Variants in SERAC1 observed in about 807,000 individuals in gnomAD.
SERAC1 encodes the protein protein SERAC1.
SERAC1 carries 36 observed loss-of-function variants against 85.7 expected under a neutral mutation model. The observed-to-expected ratio is 0.42, with a 90% CI of 0.32 to 0.55. The LOEUF is 0.55. Ranked by LOEUF, SERAC1 falls within the 20% of genes least tolerant of loss-of-function variation. SERAC1 has a pLI of 0.11. For synonymous variants in SERAC1, 242 were observed against 265.3 expected (o/e 0.91, Z 0.85); for missense variants, 629 against 796.2 (o/e 0.79, Z 2.53).
At chr6:158,144,646 G>A (rs1005106855) in intron 6 of SERAC1, among the ~76,000 whole-genome samples, 1 of 152,164 alleles carries the variant, frequency 6.6e-6, no homozygotes, top group Non-Finnish European at 1.5e-5. Context: ...CCGGGTCACA[G>A]CCTAACTTTT....
Position 158,165,488 on chromosome 6 carries a change from A to C in SERAC1, c.-2+2652T>G, listed in dbSNP as rs546970210. Among the ~76,000 whole-genome samples the C allele has an allele frequency of 2.6e-5, 4 of 152,236 alleles. No homozygotes were observed. The South Asian group carries it at 8.3e-4, about 32-fold the overall frequency. ...AATATCTATATGCCAGTGATCTCAG[A>C]GTACCTCTAGCTACGATCTTTCCTG... On this transcript the variant is annotated intron_variant, in intron 1 of 16. Transcript: ENST00000647468.
chr6:158,130,846 A>G lies in SERAC1; in HGVS notation c.739-360T>C, dbSNP rs190059223. 2.9e-4 allele frequency among the ~76,000 whole-genome samples: 44 copies of G among 152,312 alleles called. No individual in the cohort carries two copies. The South Asian group carries it at 5.0e-3, about 17-fold the overall frequency. On this transcript the variant is annotated intron_variant, in intron 8 of 16. Coordinates refer to ENST00000647468, the MANE Select transcript of SERAC1 (RefSeq NM_032861.4). ...GTCACTACAGTATATTATTTTCCAG[A>G]TTCTGCTAATAGCCTACTTAAAGTC...
chr6:158,118,442 T>C lies in SERAC1; in HGVS notation c.1308+587A>G, dbSNP rs748394599. On this transcript the variant is annotated intron_variant, in intron 12 of 16. Coordinates refer to ENST00000647468, the MANE Select transcript of SERAC1 (RefSeq NM_032861.4). ...CAGAATTAAGGTTCTTTGGGAGAAATAGTATCAAAGAAATGTAAAGTATTA... is the reference window on the plus strand; with the variant it reads ...CAGAATTAAGGTTCTTTGGGAGAAACAGTATCAAAGAAATGTAAAGTATTA... Among the ~76,000 whole-genome samples the C allele has an allele frequency of 2.4e-4, 36 of 151,946 alleles. 1 individual carries two copies. Among genetic ancestry groups the C allele is most frequent in the Admixed American group, 2.0e-4 (3 of 15,262 alleles).
At position 158,143,149 on chromosome 6, in the gene SERAC1, C is replaced by T; in HGVS notation, c.645G>A (p.Leu215=). 1.2e-6 allele frequency: 2 copies of T among 1,613,596 alleles called. No homozygotes were observed. Among genetic ancestry groups the T allele is most frequent in the Non-Finnish European group, 1.7e-6 (2 of 1,179,756 alleles). The change falls in exon 8 of 17, where the codon CTG becomes CTA. Residue 215 remains leucine, a synonymous_variant. Transcript: ENST00000647468. Reference sequence around the variant, plus strand: ...CTAGCTCTGTTTGAGGTAAGGAAGCCAGCAACTGTCTGAGCTCTTCTTCAG... The same window carrying T: ...CTAGCTCTGTTTGAGGTAAGGAAGCTAGCAACTGTCTGAGCTCTTCTTCAG... ...SSTEEELRQL[L]ASLPQTELDE...
Position 158,152,217 on chromosome 6 carries a change from A to C in SERAC1, c.129-1628T>G, listed in dbSNP as rs142945959. On this transcript the variant is annotated intron_variant, in intron 3 of 16. Transcript: ENST00000647468. ...AAAACACAGTGAGACTCTGCCTTTA[A>C]AGAAAACACAAAGTTCAGCCAGGCA... Among the ~76,000 whole-genome samples, 7 of 152,282 alleles carry C rather than the reference A, an allele frequency of 4.6e-5. No individual in the cohort carries two copies. The East Asian group carries it at 1.4e-3, about 29-fold the overall frequency.
Position 158,113,508 on chromosome 6 carries a change from G to A in SERAC1, c.1769C>T (p.Thr590Ile). ...KNFQVLNFVE[T>I]LPTYIGSMIK... The stretch of plus-strand genomic sequence containing the variant: ...CATGCTGCCAATGTAGGTTGGTAGT[G>A]TTTCCACAAAATTCAGCACCTGGAA... Residue 590 changes from threonine (T) to isoleucine (I), a missense_variant, in exon 16 of 17, where the codon ACA becomes ATA. Physicochemically the swap from Thr to Ile is moderately conservative, Grantham distance 89 (BLOSUM62 -1). Coordinates refer to ENST00000647468, the MANE Select transcript of SERAC1 (RefSeq NM_032861.4). 1 of 1,614,016 alleles carries A rather than the reference G, an allele frequency of 6.2e-7. No homozygotes were observed. Among genetic ancestry groups the A allele is most frequent in the South Asian group, 1.1e-5 (1 of 91,088 alleles).
intron 10 of SERAC1, among the ~76,000 whole-genome samples, chr6:158,125,950 C>T (rs998273332): frequency 4.6e-5 from 7 of 151,848 alleles, no homozygotes; most frequent in East Asian, 1.9e-4. Context: ...TCAAGTAATA[C>T]AAGAAGTCAG....
At chr6:158,133,655 G>T (rs1241226405) in intron 8 of SERAC1, among the ~76,000 whole-genome samples, 1 of 152,066 alleles carries the variant, frequency 6.6e-6, no homozygotes, top group Admixed American at 6.5e-5. Flanking sequence ...AAAGTGCTGG[G>T]ATTACAGGCG....
In SERAC1 at chr6:158,148,914, T is replaced by A; in HGVS notation, c.306A>T (p.Val102=). The A allele has an allele frequency of 1.2e-6, 2 of 1,613,046 alleles. No individual in the cohort carries two copies. The highest frequency in any genetic ancestry group is 1.7e-6 in the Non-Finnish European group (2 of 1,179,564). The change falls in exon 5 of 17, where the codon GTA becomes GTT. Residue 102 remains valine, a synonymous_variant. Transcript: ENST00000647468. The part of the protein sequence containing the change: ...WQARKELHKA[V]RKVLATSAKI... ...TGGCTGATGTTGCCAATACTTTTCTTACTGCTTTGTGAAGTTCTTTTCTTG... is the reference window on the plus strand; with the variant it reads ...TGGCTGATGTTGCCAATACTTTTCTAACTGCTTTGTGAAGTTCTTTTCTTG...
intron 9 of SERAC1, 63 bp from the exon 10 acceptor site, chr6:158,128,333 C>T (rs1431936430): frequency 1.3e-6 from 2 of 1,535,634 alleles, no homozygotes; most frequent in East Asian, 2.3e-5. Flanking sequence ...TGAGATGACA[C>T]AGCCTGGTCA....
chr6:158,158,440 G>T, intron 1 of SERAC1, 76 bp from the exon 2 acceptor site: 1 of 1,119,822 alleles, frequency 8.9e-7, no homozygotes, highest in Non-Finnish European at 1.3e-6. Context: ...ACAAGAACAT[G>T]TTACCATCAC....
chr6:158,113,501 T>C lies in SERAC1; in HGVS notation c.1776A>G (p.Pro592=). ...FQVLNFVETL[P]TYIGSMIKLH... ...GCTTAATCATGCTGCCAATGTAGGT[T>C]GGTAGTGTTTCCACAAAATTCAGCA... Residue 592 remains proline, a synonymous_variant, in exon 16 of 17, where the codon CCA becomes CCG. Transcript: ENST00000647468. The C allele has an allele frequency of 6.2e-7, 1 of 1,614,058 alleles. No individual in the cohort carries two copies. The highest frequency in any genetic ancestry group is 8.5e-7 in the Non-Finnish European group (1 of 1,179,944).
At chr6:158,124,908 A>G (rs1236920516) in intron 10 of SERAC1, among the ~76,000 whole-genome samples, 1 of 152,216 alleles carries the variant, frequency 6.6e-6, no homozygotes, top group Non-Finnish European at 1.5e-5. Flanking sequence ...CAGTGGACCC[A>G]ATACACAAGA....
chr6:158,113,744 C>A, intron 15 of SERAC1, 152 bp from the exon 16 acceptor site: 1 of 704,312 alleles, frequency 1.4e-6, no homozygotes. Context: ...GCCAAGAAGC[C>A]ACTAAGATTC....
rs1303711918 is a variant in SERAC1 at position 158,119,663 on chromosome 6, G to GTAGA, written c.1167-497_1167-494dup. ...CATTGCATATGACGCATTAAAAACT[G>GTAGA]TAGATAGTATGTTAGTTGCAAGCTA... is the stretch of plus-strand genomic sequence containing the variant. On this transcript the variant is annotated intron_variant, in intron 11 of 16. Coordinates refer to ENST00000647468, the MANE Select transcript of SERAC1 (RefSeq NM_032861.4). The surrounding 1 kb of genome is among the most constrained non-coding windows in gnomAD (Gnocchi z 4.5). Among the ~76,000 whole-genome samples the GTAGA allele has an allele frequency of 2.8e-5, 4 of 142,436 alleles. No homozygotes were observed. The highest frequency in any genetic ancestry group is 2.1e-4 in the Admixed American group (3 of 14,338). The allele number at this position is 142,436 out of a possible 152,430, so 93.4% of individuals were successfully genotyped here.
At chr6:158,114,688 T>TACATTCAAGGAA in intron 15 of SERAC1, 101 bp downstream of exon 15, 1 of 1,434,954 alleles carries the variant, frequency 7.0e-7, no homozygotes, top group Non-Finnish European at 9.5e-7. Context: ...TATATACAAA[T>TACATTCAAGGAA]TATAAAATGA....
chr6:158,162,112 C>A (rs1390211085), intron 1 of SERAC1: 1 of 152,210 alleles, frequency 6.6e-6, no homozygotes. Flanking sequence ...ATAAGCTCTT[C>A]TTTCAAGGCA....
Position 158,117,468 on chromosome 6 carries a change from C to A in SERAC1, c.1403+259G>T. On this transcript the variant is annotated intron_variant, in intron 13 of 16. Transcript: ENST00000647468. This position sits in a 1 kb window ranked among gnomAD's most constrained non-coding sequence, Gnocchi z 4.3. ...GAAAAGGAGACTGCTAGACAATCCACGATCCTTCACTATTAGAACAGTTGT... is the reference window on the plus strand; with the variant it reads ...GAAAAGGAGACTGCTAGACAATCCAAGATCCTTCACTATTAGAACAGTTGT... The A allele has an allele frequency of 6.6e-7, 1 of 1,525,230 alleles. No homozygotes were observed. The highest frequency in any genetic ancestry group is 2.5e-5 in the East Asian group (1 of 40,772). The allele number at this position is 1,525,230 out of a possible 1,614,324, so 94.5% of individuals were successfully genotyped here.
intron 4 of SERAC1, among the ~76,000 whole-genome samples, chr6:158,149,191 A>G (rs1355298749): frequency 6.6e-6 from 1 of 152,014 alleles, no homozygotes; most frequent in Non-Finnish European, 1.5e-5. Flanking sequence ...ACAGGGTTTC[A>G]CCTTGTTAGC....
Sources: gnomAD v4.1 joint callset for allele counts (sites outside exome capture counted in the v4.1 genomes callset) on GRCh38, gnomAD v4.1.1 for gene constraint, Gnocchi (gnomAD v3.1) non-coding constraint, MANE v1.5 for transcripts, NCBI Gene and HGNC (gene_info 2026-07-23, HGNC 2026-07-21) for gene names.